The following CACNA1A variants were observed in gnomAD, a reference collection of about 807,000 sequenced individuals.
CACNA1A encodes calcium voltage-gated channel subunit alpha1 A.
A neutral mutation model predicts 262.4 loss-of-function variants in CACNA1A; 57 were observed. The observed-to-expected ratio is 0.22, with a 90% CI of 0.18 to 0.27. The LOEUF (loss-of-function observed/expected upper bound fraction) is 0.27. Ranked by LOEUF, CACNA1A falls within the 10% of genes least tolerant of loss-of-function variation. The probability of loss-of-function intolerance (pLI) is 1.00; values close to 1 mark genes in which losing one functional copy is unlikely to be tolerated. For missense variants in CACNA1A, 2,526 were observed against 3,562.8 expected (o/e 0.71, Z 7.41); for synonymous variants, 1,431 against 1,419.3 (o/e 1.01, Z -0.18).
intron 3 of CACNA1A, among the ~76,000 whole-genome samples, chr19:13,406,338 G>A (rs1224335791): frequency 2.0e-5 from 3 of 150,030 alleles, no homozygotes; most frequent in Non-Finnish European, 3.0e-5. Context: ...GCCTGTAATC[G>A]CAGCTACTTG....
intron 3 of CACNA1A, among the ~76,000 whole-genome samples, chr19:13,397,819 C>T (rs1299054236): frequency 6.6e-6 from 1 of 152,166 alleles, no homozygotes; most frequent in Admixed American, 6.5e-5. Flanking sequence ...CTCCTGTGCC[C>T]TTCTCATGCT....
intron 3 of CACNA1A, among the ~76,000 whole-genome samples, chr19:13,382,038 T>C (rs1421176085): frequency 2.0e-5 from 3 of 152,046 alleles, no homozygotes; most frequent in Non-Finnish European, 4.4e-5. Flanking sequence ...ATTGACGCAG[T>C]TGAACGCTGA....
intron 3 of CACNA1A, among the ~76,000 whole-genome samples, chr19:13,386,649 C>T (rs746418000): frequency 8.6e-5 from 13 of 151,880 alleles, no homozygotes; most frequent in Non-Finnish European, 1.5e-4. Context: ...AAAAATTAGC[C>T]GGATGCAGTG....
At chr19:13,311,868 A>AAAAAATAAAAAT (rs1568523015) in intron 12 of CACNA1A, among the ~76,000 whole-genome samples, 12 of 110,602 alleles carry the variant, frequency 1.1e-4, no homozygotes, top group African/African-American at 1.9e-4. Context: ...AAAATAAAAA[A>AAAAAATAAAAAT]AAATAAATAA....
At chr19:13,267,048 G>A (rs972166232) in intron 24 of CACNA1A, among the ~76,000 whole-genome samples, 1 of 152,062 alleles carries the variant, frequency 6.6e-6, no homozygotes, top group Non-Finnish European at 1.5e-5. Flanking sequence ...ACAGGACAGC[G>A]GCAGCAAGGA....
intron 19 of CACNA1A, among the ~76,000 whole-genome samples, chr19:13,297,104 G>T (rs188860466): frequency 6.6e-6 from 1 of 152,058 alleles, no homozygotes; most frequent in Non-Finnish European, 1.5e-5. Flanking sequence ...TAAATTTACC[G>T]AGCACTTATT....
chr19:13,455,049 C>A (rs1380943567), intron 2 of CACNA1A, 58 bp downstream of exon 2: 1 of 1,076,842 alleles, frequency 9.3e-7, no homozygotes, highest in Admixed American at 1.8e-5. Flanking sequence ...TCCACTCCCC[C>A]AAAAATTAAT....
In CACNA1A at chr19:13,245,229, C is replaced by G; in HGVS notation, c.4903G>C (p.Val1635Leu). The change falls in exon 31 of 47, where the codon GTG (valine) becomes CTG (leucine). Residue 1635 changes from valine to leucine, a missense_variant. Transcript: ENST00000360228. ...TCGGTGATGCTGCCCAGAACAGTCACAAAGTCGAAGATGTTCCAGGCATCG... is the reference window on the plus strand; with the variant it reads ...TCGGTGATGCTGCCCAGAACAGTCAGAAAGTCGAAGATGTTCCAGGCATCG... ...FRDAWNIFDF[V>L]TVLGSITDIL... 1 of 1,614,014 alleles carries G rather than the reference C, an allele frequency of 6.2e-7. No individual in the cohort carries two copies. The highest frequency in any genetic ancestry group is 8.5e-7 in the Non-Finnish European group (1 of 1,179,874).
At chr19:13,312,069 A>G (rs981869898) in intron 12 of CACNA1A, among the ~76,000 whole-genome samples, 11 of 152,088 alleles carry the variant, frequency 7.2e-5, no homozygotes, top group Non-Finnish European at 1.2e-4. Flanking sequence ...GCTGGGTCAT[A>G]TCTCCATCTT....
chr19:13,306,086 G>C (rs74258000), intron 15 of CACNA1A, among the ~76,000 whole-genome samples: 13,422 of 151,496 alleles, frequency 0.089, 726 homozygotes, highest in South Asian at 0.18. Flanking sequence ...TCGCTTATGT[G>C]GGGGCTCAGA....
At chr19:13,227,638 G>A (rs910924089) in intron 36 of CACNA1A, 111 bp from the exon 37 acceptor site, 4 of 421,920 alleles carry the variant, frequency 9.5e-6, no homozygotes, top group South Asian at 8.6e-5. Flanking sequence ...AAAGAAAAAA[G>A]AAATCCACAC....
chr19:13,503,597 C>A (rs1238039553), intron 1 of CACNA1A, among the ~76,000 whole-genome samples: 2 of 151,914 alleles, frequency 1.3e-5, no homozygotes, highest in South Asian at 4.2e-4. Flanking sequence ...CCTCCCTCCC[C>A]AGGTCTCTGT....
intron 3 of CACNA1A, among the ~76,000 whole-genome samples, chr19:13,394,829 C>G (rs570687581): frequency 6.6e-6 from 1 of 152,280 alleles, no homozygotes; most frequent in South Asian, 2.1e-4. Context: ...GTCCCATTCT[C>G]CCCTGGGGCT....
chr19:13,476,051 CT>C (rs1978494321), intron 1 of CACNA1A, among the ~76,000 whole-genome samples: 1 of 152,194 alleles, frequency 6.6e-6, no homozygotes, highest in Non-Finnish European at 1.5e-5. Flanking sequence ...AAGCTGCCAT[CT>C]TGGCTCAGAC....
intron 3 of CACNA1A, among the ~76,000 whole-genome samples, chr19:13,420,103 A>T (rs8109371): frequency 0.033 from 4,996 of 151,896 alleles, 246 homozygotes; most frequent in African/African-American, 0.11. Context: ...AAAATAAATT[A>T]AAAAATAGAG....
rs371776293 is a variant in CACNA1A at position 13,492,859 on chromosome 19, CT to C, written c.293+13072del. On this transcript the variant is annotated intron_variant, in intron 1 of 46. Transcript: ENST00000360228. ...CAACATTTATGAATGAATGAACGCA[CT>C]CCTTCCCATTCCCCTCCATCTCTAA... Among the ~76,000 whole-genome samples the C allele has an allele frequency of 5.6e-4, 85 of 152,246 alleles. 1 individual carries two copies. Among genetic ancestry groups the C allele is most frequent in the African/African-American group, 2.0e-3 (85 of 41,540 alleles).
At chr19:13,430,791 C>A (rs1477013952) in intron 3 of CACNA1A, among the ~76,000 whole-genome samples, 1 of 152,000 alleles carries the variant, frequency 6.6e-6, no homozygotes, top group African/African-American at 2.4e-5. Context: ...AGATGCTCTT[C>A]AGGGGTGTAG....
chr19:13,386,329 T>C (rs1413822270), intron 3 of CACNA1A, among the ~76,000 whole-genome samples: 1 of 152,190 alleles, frequency 6.6e-6, no homozygotes, highest in Non-Finnish European at 1.5e-5. Context: ...GACCCATTCG[T>C]AGGCCTAACA....
rs1600095183 is a variant in CACNA1A, at chr19:13,214,996, G to C, written c.5732-388C>G. 1.3e-4 allele frequency: 1 copy of C among 7,648 alleles called. No individual in the cohort carries two copies. The highest frequency in any genetic ancestry group is 2.3e-4 in the Non-Finnish European group (1 of 4,384). The allele number at this position is 7,648 out of a possible 1,614,324, so 0.5% of individuals were successfully genotyped here. A position where few individuals can be genotyped will look rare whatever the true frequency, so the allele number is the denominator to read the frequency against. On this transcript the variant is annotated intron_variant, in intron 38 of 46. Transcript: ENST00000360228. The surrounding 1 kb of genome is among the most constrained non-coding windows in gnomAD (Gnocchi z 4.1). ...AGAGTACTTGCCTCACCTGGTTGTT[G>C]TGTGTGTGTGTGTGTGTTTTTTTTT...
Sources: allele counts gnomAD v4.1 joint callset (sites outside exome capture counted in the v4.1 genomes callset), GRCh38; gene constraint gnomAD v4.1.1; non-coding constraint Gnocchi (gnomAD v3.1); transcripts MANE v1.5; gene names NCBI Gene and HGNC (gene_info 2026-07-23, HGNC 2026-07-21).